CDYL: variants seen among roughly 807,000 people sequenced by gnomAD.
CDYL encodes the protein chromodomain Y like.
Under a neutral mutation model 47.3 loss-of-function variants are expected in CDYL, and 8 were observed. The ratio of observed to expected loss-of-function variants is 0.17; its 90% CI spans 0.10 to 0.31. The LOEUF (loss-of-function observed/expected upper bound fraction) is 0.31, where lower values mean the gene tolerates loss of function less well. Ranked by LOEUF, CDYL falls within the 10% of genes least tolerant of loss-of-function variation. The pLI is 1.00. For synonymous variants in CDYL, 266 were observed against 265.0 expected (o/e 1.00, Z -0.04); for missense variants, 471 against 701.4 (o/e 0.67, Z 3.71).
intron 1 of CDYL, among the ~76,000 whole-genome samples, chr6:4,817,894 T>C (rs1759718221): frequency 6.6e-6 from 1 of 152,252 alleles, no homozygotes; most frequent in Non-Finnish European, 1.5e-5. Flanking sequence ...TCTTGTTTTG[T>C]GGCTACAACT....
intron 1 of CDYL, among the ~76,000 whole-genome samples, chr6:4,852,167 T>A (rs1043861105): frequency 6.6e-6 from 1 of 152,224 alleles, no homozygotes; most frequent in Non-Finnish European, 1.5e-5. Context: ...CTACTGATGA[T>A]CCTTGCTGAA....
intron 1 of CDYL, among the ~76,000 whole-genome samples, chr6:4,822,042 C>T (rs1759853199): frequency 6.6e-6 from 1 of 152,054 alleles, no homozygotes; most frequent in Admixed American, 6.6e-5. Flanking sequence ...GTCAATGGCT[C>T]ACTACAACCT....
At chr6:4,950,606 C>G (rs187086106) in intron 5 of CDYL, among the ~76,000 whole-genome samples, 3 of 152,126 alleles carry the variant, frequency 2.0e-5, no homozygotes, top group Non-Finnish European at 4.4e-5. Context: ...AGAAGAAGCT[C>G]GTCAGTTCAG....
intron 1 of CDYL, among the ~76,000 whole-genome samples, chr6:4,782,321 A>G (rs913226128): frequency 1.3e-5 from 2 of 152,202 alleles, no homozygotes; most frequent in African/African-American, 2.4e-5. Context: ...ACAGCTCAAA[A>G]TACTGCAATC....
At chr6:4,813,046 C>T (rs1581183079) in intron 1 of CDYL, among the ~76,000 whole-genome samples, 1 of 152,154 alleles carries the variant, frequency 6.6e-6, no homozygotes, top group African/African-American at 2.4e-5. Flanking sequence ...ACTAAGTTTT[C>T]ATATGTTTAC....
intron 2 of CDYL, among the ~76,000 whole-genome samples, chr6:4,909,153 A>G (rs1431943640): frequency 1.3e-5 from 2 of 152,154 alleles, no homozygotes; most frequent in African/African-American, 4.8e-5. Context: ...TTTTAAAGGA[A>G]CTCATCCAGA....
At chr6:4,780,326 G>A (rs917669855) in intron 1 of CDYL, among the ~76,000 whole-genome samples, 1 of 147,868 alleles carries the variant, frequency 6.8e-6, no homozygotes, top group Non-Finnish European at 1.5e-5. Context: ...TCTGCCTCCC[G>A]GGTTCAAAGC....
At chr6:4,908,552 C>A (rs571229612) in intron 2 of CDYL, among the ~76,000 whole-genome samples, 6 of 152,312 alleles carry the variant, frequency 3.9e-5, no homozygotes, top group African/African-American at 1.4e-4. Context: ...CCTCCTGCCC[C>A]CCACAGGCAA....
intron 1 of CDYL, among the ~76,000 whole-genome samples, chr6:4,844,686 T>G (rs906206795): frequency 3.9e-5 from 6 of 152,234 alleles, no homozygotes; most frequent in Non-Finnish European, 4.4e-5. Flanking sequence ...CATTTGAGAT[T>G]GTTGACATTT....
chr6:4,767,245 ATATT>A (rs1369065646), intron 3 of CDYL, among the ~76,000 whole-genome samples: 9 of 148,104 alleles, frequency 6.1e-5, no homozygotes, highest in Non-Finnish European at 1.2e-4. Flanking sequence ...ACAAAATTCA[ATATT>A]CATTCATGAT....
intron 3 of CDYL, among the ~76,000 whole-genome samples, chr6:4,765,972 A>G (rs1305839182): frequency 6.6e-6 from 1 of 152,168 alleles, no homozygotes; most frequent in Non-Finnish European, 1.5e-5. Context: ...AAGAACCAAA[A>G]AAGCTCAAAA....
intron 1 of CDYL, among the ~76,000 whole-genome samples, chr6:4,806,118 G>A (rs182280165): frequency 6.6e-5 from 10 of 152,402 alleles, no homozygotes; most frequent in Admixed American, 6.5e-4. Context: ...GCTGGACAGA[G>A]TGGCCATCCA....
chr6:4,889,823 G>A (rs1394646345), intron 1 of CDYL, among the ~76,000 whole-genome samples: 2 of 152,118 alleles, frequency 1.3e-5, no homozygotes, highest in African/African-American at 4.8e-5. Flanking sequence ...TACTCAGTCT[G>A]GCCACTGAGT....
intron 3 of CDYL, among the ~76,000 whole-genome samples, chr6:4,749,640 T>C (rs1043582303): frequency 1.3e-5 from 2 of 152,248 alleles, no homozygotes; most frequent in African/African-American, 4.8e-5. Flanking sequence ...GATCCCAGGT[T>C]GTTTTAAAGA....
chr6:4,760,482 T>C (rs1758157909), intron 3 of CDYL, among the ~76,000 whole-genome samples: 2 of 152,074 alleles, frequency 1.3e-5, no homozygotes, highest in South Asian at 4.1e-4. Context: ...TGCTGAATGC[T>C]AAAGACACTG....
intron 1 of CDYL, among the ~76,000 whole-genome samples, chr6:4,810,595 G>T (rs1759500203): frequency 6.6e-6 from 1 of 152,184 alleles, no homozygotes; most frequent in South Asian, 2.1e-4. Context: ...CTTGCCTGGT[G>T]TCATAGTCCA....
At chr6:4,900,312 T>G (rs755587074) in intron 2 of CDYL, among the ~76,000 whole-genome samples, 1 of 152,240 alleles carries the variant, frequency 6.6e-6, no homozygotes, top group Non-Finnish European at 1.5e-5. Flanking sequence ...TATATAAATA[T>G]GATTTCAAAC....
At chr6:4,814,258 T>C (rs920996218) in intron 1 of CDYL, among the ~76,000 whole-genome samples, 2 of 152,234 alleles carry the variant, frequency 1.3e-5, no homozygotes, top group East Asian at 3.8e-4. Context: ...AAGTAAGTTT[T>C]CTTAAACTTT....
intron 1 of CDYL, among the ~76,000 whole-genome samples, chr6:4,877,011 G>A (rs1761638220): frequency 6.6e-6 from 1 of 152,202 alleles, no homozygotes; most frequent in Non-Finnish European, 1.5e-5. Context: ...CACCACGTGA[G>A]GGCACATAAA....
Sources: gnomAD v4.1 joint callset for allele counts (sites outside exome capture counted in the v4.1 genomes callset) on GRCh38, gnomAD v4.1.1 for gene constraint, MANE v1.5 for transcripts, NCBI Gene and HGNC (gene_info 2026-07-23, HGNC 2026-07-21) for gene names.